Variants in ETV6 observed in about 807,000 individuals in gnomAD.
ETV6 encodes the protein transcription factor ETV6.
A neutral mutation model predicts 51.1 loss-of-function variants in ETV6; 16 were observed. The ratio of observed to expected loss-of-function variants is 0.31; its 90% CI spans 0.21 to 0.48. ETV6 has a LOEUF of 0.48. Among genes scored for constraint, ETV6 ranks in the 20% least tolerant of loss-of-function variants. ETV6 has a pLI of 0.99. For synonymous variants in ETV6, 240 were observed against 224.1 expected (o/e 1.07, Z -0.64); for missense variants, 458 against 594.8 (o/e 0.77, Z 2.39).
At chr12:11,862,557 T>G (rs1164156027) in intron 4 of ETV6, among the ~76,000 whole-genome samples, 1 of 152,200 alleles carries the variant, frequency 6.6e-6, no homozygotes, top group African/African-American at 2.4e-5. Flanking sequence ...TCTTCTCGTT[T>G]CTGGTGGTTT....
intron 2 of ETV6, among the ~76,000 whole-genome samples, chr12:11,769,455 G>A (rs897323123): frequency 4.0e-5 from 6 of 151,596 alleles, no homozygotes; most frequent in Admixed American, 1.3e-4. Flanking sequence ...AAAAAAAAAC[G>A]ATTTTGATGG....
chr12:11,707,917 C>T (rs1202459513), intron 1 of ETV6, among the ~76,000 whole-genome samples: 1 of 152,208 alleles, frequency 6.6e-6, no homozygotes, highest in East Asian at 1.9e-4. Context: ...ACTTTGTCTC[C>T]TCCTATCTTA....
chr12:11,809,682 A>G (rs1418440396), intron 2 of ETV6, among the ~76,000 whole-genome samples: 1 of 152,116 alleles, frequency 6.6e-6, no homozygotes, highest in Non-Finnish European at 1.5e-5. Context: ...GCTGAGAGGG[A>G]TCAATGTCTG....
intron 2 of ETV6, among the ~76,000 whole-genome samples, chr12:11,810,569 T>TA (rs1362101994): frequency 6.6e-6 from 1 of 152,072 alleles, no homozygotes; most frequent in East Asian, 1.9e-4. Flanking sequence ...CACACTGAAA[T>TA]AAAAAATACC....
chr12:11,823,545 C>T (rs1453296292), intron 2 of ETV6, among the ~76,000 whole-genome samples: 1 of 150,758 alleles, frequency 6.6e-6, no homozygotes, highest in African/African-American at 2.5e-5. Context: ...CTGCTCACTG[C>T]AACCTCTGCC....
chr12:11,667,837 GATTAC>G lies in ETV6; in HGVS notation c.33+17679_33+17683del, dbSNP rs377494791. 2.9e-4 allele frequency among the ~76,000 whole-genome samples: 44 copies of G among 151,846 alleles called. No individual in the cohort carries two copies. In the South Asian group the frequency reaches 8.8e-3, roughly 30 times the overall value. ...TTGCCTCGGCCTCCCGTGTAGCTGG[GATTAC>G]AGGTGCACGCTGCCACGCCCAGCTA... is the stretch of plus-strand genomic sequence containing the variant. On this transcript the variant is annotated intron_variant, in intron 1 of 7. Coordinates refer to ENST00000396373, the MANE Select transcript of ETV6 (RefSeq NM_001987.5).
In ETV6 at chr12:11,869,656, C is replaced by G; in HGVS notation, c.696C>G (p.Ser232=). ...ACCAGGAGAACAACCACCAGGAGTC[C>G]TACCCTCTGTCAGTGTCTCCCATGG... The part of the protein sequence containing the change: ...RPHQENNHQE[S]YPLSVSPMEN... Residue 232 remains serine (S), a synonymous_variant, in exon 5 of 8, where the codon TCC becomes TCG. Coordinates refer to ENST00000396373, the MANE Select transcript of ETV6 (RefSeq NM_001987.5). The surrounding 1 kb of genome is among the most constrained non-coding windows in gnomAD (Gnocchi z 5.0). 6.2e-7 allele frequency: 1 copy of G among 1,614,188 alleles called. No homozygotes were observed. The highest frequency in any genetic ancestry group is 8.5e-7 in the Non-Finnish European group (1 of 1,180,030).
At chr12:11,837,370 T>C (rs2136460933) in intron 2 of ETV6, among the ~76,000 whole-genome samples, 1 of 144,418 alleles carries the variant, frequency 6.9e-6, no homozygotes, top group Non-Finnish European at 1.5e-5. Context: ...TGCCCAGTAG[T>C]TCTTTTTTTG....
At chr12:11,872,603 C>A (rs529024688) in intron 5 of ETV6, among the ~76,000 whole-genome samples, 2 of 151,214 alleles carry the variant, frequency 1.3e-5, no homozygotes, top group Non-Finnish European at 2.9e-5. Flanking sequence ...AAGTGATTCT[C>A]GTGCCTCAGC....
chr12:11,882,372 A>G lies in ETV6; in HGVS notation c.1010-2073A>G, dbSNP rs1437158451. Among the ~76,000 whole-genome samples, 3 of 152,206 alleles carry G rather than the reference A, an allele frequency of 2.0e-5. No homozygotes were observed. In the South Asian group the frequency reaches 6.2e-4, roughly 31 times the overall value. On this transcript the variant is annotated intron_variant, in intron 5 of 7. Transcript: ENST00000396373. ...ACACCCATTAACGAGTTTCTCTGAG[A>G]CTAGAAATTGCATTGGGAAGTGTGT...
intron 1 of ETV6, among the ~76,000 whole-genome samples, chr12:11,666,647 G>A (rs886979162): frequency 6.6e-6 from 1 of 152,162 alleles, no homozygotes; most frequent in African/African-American, 2.4e-5. Flanking sequence ...TGAATAGCTC[G>A]TTTTCTCCCT....
intron 2 of ETV6, among the ~76,000 whole-genome samples, chr12:11,817,865 C>T (rs1450057690): frequency 6.6e-6 from 1 of 152,158 alleles, no homozygotes; most frequent in Non-Finnish European, 1.5e-5. Flanking sequence ...AATTCCATAT[C>T]CATCTTCAAA....
intron 1 of ETV6, among the ~76,000 whole-genome samples, chr12:11,650,515 A>AAC (rs1863884760): frequency 3.0e-5 from 4 of 133,446 alleles, no homozygotes; most frequent in Admixed American, 7.6e-5. Flanking sequence ...AAAAAAAAAA[A>AAC]CCTGCTCCCT....
At chr12:11,723,025 C>T (rs1346801441) in intron 1 of ETV6, among the ~76,000 whole-genome samples, 1 of 152,216 alleles carries the variant, frequency 6.6e-6, no homozygotes, top group Non-Finnish European at 1.5e-5. Flanking sequence ...CAATGAGAAG[C>T]TGAGCTCCGA....
intron 4 of ETV6, 135 bp downstream of exon 4, chr12:11,853,696 G>A (rs1946591365): frequency 1.0e-6 from 1 of 982,290 alleles, no homozygotes; most frequent in Non-Finnish European, 1.5e-6. Flanking sequence ...TGCTTACTAT[G>A]TACAAAATAC....
intron 1 of ETV6, among the ~76,000 whole-genome samples, chr12:11,702,278 C>T (rs1202608347): frequency 4.6e-5 from 7 of 152,144 alleles, no homozygotes; most frequent in Admixed American, 4.6e-4. Context: ...TGGACTGCTC[C>T]CACCTATTGC....
chr12:11,834,546 A>G (rs1444164971), intron 2 of ETV6, among the ~76,000 whole-genome samples: 1 of 152,242 alleles, frequency 6.6e-6, no homozygotes, highest in Non-Finnish European at 1.5e-5. Context: ...TGAGAATTAC[A>G]TGAGGTAATA....
intron 2 of ETV6, among the ~76,000 whole-genome samples, chr12:11,786,463 A>G (rs889208299): frequency 2.0e-5 from 3 of 152,198 alleles, no homozygotes; most frequent in African/African-American, 7.2e-5. Flanking sequence ...TAATTTGTAG[A>G]TTTAGTCCTC....
intron 1 of ETV6, among the ~76,000 whole-genome samples, chr12:11,743,671 G>C (rs1394876670): frequency 2.0e-5 from 3 of 152,136 alleles, no homozygotes; most frequent in Non-Finnish European, 4.4e-5. Context: ...TTTCTTATTA[G>C]GCATGTGTGG....
Sources: allele counts gnomAD v4.1 joint callset (sites outside exome capture counted in the v4.1 genomes callset), GRCh38; gene constraint gnomAD v4.1.1; non-coding constraint Gnocchi (gnomAD v3.1); transcripts MANE v1.5; gene names NCBI Gene and HGNC (gene_info 2026-07-23, HGNC 2026-07-21).